The following GRID1 variants were observed in gnomAD, a reference collection of about 807,000 sequenced individuals.
GRID1 encodes the protein glutamate receptor ionotropic, delta-1.
In GRID1, 28 loss-of-function variants were observed where a neutral mutation model predicts 98.0. The ratio of observed to expected loss-of-function variants is 0.29; its 90% CI spans 0.21 to 0.39. GRID1 has a LOEUF of 0.39. GRID1 is among the 10% of genes least tolerant of loss of function. The pLI, the probability that GRID1 is intolerant of heterozygous loss-of-function variation, is 1.00. For missense variants in GRID1, 1,111 were observed against 1,340.5 expected (o/e 0.83, Z 2.67); for synonymous variants, 553 against 538.5 (o/e 1.03, Z -0.37).
intron 5 of GRID1, among the ~76,000 whole-genome samples, chr10:85,901,292 C>A (rs988478465): frequency 6.6e-5 from 10 of 151,700 alleles, no homozygotes; most frequent in African/African-American, 2.4e-4. Flanking sequence ...GTCGCCCAGG[C>A]TGGAGTGCAG....
chr10:86,275,021 G>A (rs899430172), intron 2 of GRID1, among the ~76,000 whole-genome samples: 2 of 152,222 alleles, frequency 1.3e-5, no homozygotes, highest in African/African-American at 4.8e-5. Context: ...TGCCAGCCTG[G>A]CTAAGTGTTG....
At chr10:86,042,977 C>T (rs908660055) in intron 4 of GRID1, among the ~76,000 whole-genome samples, 1 of 151,874 alleles carries the variant, frequency 6.6e-6, no homozygotes. Flanking sequence ...CCCAGCTACT[C>T]GGGAGGCTGA....
intron 8 of GRID1, among the ~76,000 whole-genome samples, chr10:85,762,082 G>A (rs756022514): frequency 5.3e-5 from 8 of 152,202 alleles, no homozygotes; most frequent in Non-Finnish European, 1.0e-4. Context: ...CACAGTCGCT[G>A]TATCCATCAT....
At chr10:86,215,508 C>T (rs1041485442) in intron 2 of GRID1, among the ~76,000 whole-genome samples, 2 of 152,322 alleles carry the variant, frequency 1.3e-5, no homozygotes, top group Admixed American at 6.5e-5. Flanking sequence ...GCCAATGAAA[C>T]GTTAGGCTCC....
At chr10:86,352,952 C>T (rs904845888) in intron 2 of GRID1, among the ~76,000 whole-genome samples, 1 of 152,234 alleles carries the variant, frequency 6.6e-6, no homozygotes, top group African/African-American at 2.4e-5. Flanking sequence ...CAGCCTCCTC[C>T]TGACCTTGGC....
intron 12 of GRID1, among the ~76,000 whole-genome samples, chr10:85,686,857 A>C (rs1841275111): frequency 6.6e-6 from 1 of 152,176 alleles, no homozygotes; most frequent in Non-Finnish European, 1.5e-5. Context: ...TATGATAAAA[A>C]ATACAGGTAT....
chr10:85,733,992 G>A (rs1841852608), intron 8 of GRID1, among the ~76,000 whole-genome samples: 2 of 152,164 alleles, frequency 1.3e-5, no homozygotes, highest in Admixed American at 1.3e-4. Context: ...TAGCATAGAT[G>A]ATTAAGCAAT....
At chr10:86,144,721 G>A (rs573359100) in intron 3 of GRID1, among the ~76,000 whole-genome samples, 4 of 151,948 alleles carry the variant, frequency 2.6e-5, no homozygotes, top group South Asian at 2.1e-4. Flanking sequence ...GCTCCCACCC[G>A]CTCCCCTTCT....
intron 8 of GRID1, among the ~76,000 whole-genome samples, chr10:85,765,215 A>G (rs1466539155): frequency 1.3e-5 from 2 of 152,216 alleles, no homozygotes; most frequent in African/African-American, 4.8e-5. Flanking sequence ...CAACTAGGAC[A>G]TGGTATTTGC....
At chr10:85,989,464 C>T (rs1315904528) in intron 4 of GRID1, among the ~76,000 whole-genome samples, 3 of 152,162 alleles carry the variant, frequency 2.0e-5, no homozygotes, top group Admixed American at 6.5e-5. Context: ...AGTTAGAAGC[C>T]GGGCCACACA....
At chr10:86,127,393 A>G (rs1180536160) in intron 4 of GRID1, among the ~76,000 whole-genome samples, 1 of 152,088 alleles carries the variant, frequency 6.6e-6, no homozygotes, top group African/African-American at 2.4e-5. Context: ...CCCTCCTTCT[A>G]TCAGCCCAGT....
At chr10:86,224,885 C>T (rs988084073) in intron 2 of GRID1, among the ~76,000 whole-genome samples, 1 of 152,190 alleles carries the variant, frequency 6.6e-6, no homozygotes, top group Non-Finnish European at 1.5e-5. Flanking sequence ...TCAGCTCAGC[C>T]GGGGCATTAT....
intron 8 of GRID1, among the ~76,000 whole-genome samples, chr10:85,769,518 G>A (rs995928408): frequency 4.6e-5 from 7 of 152,194 alleles, no homozygotes; most frequent in East Asian, 3.9e-4. Context: ...GAAGCAGGGC[G>A]AGGCATTGCC....
chr10:85,715,674 T>C (rs527761948), intron 12 of GRID1, among the ~76,000 whole-genome samples: 1 of 152,206 alleles, frequency 6.6e-6, no homozygotes, highest in South Asian at 2.1e-4. Flanking sequence ...ACCTTACACC[T>C]GTTAGAATGG....
At chr10:85,851,074 A>T (rs954430812) in intron 8 of GRID1, among the ~76,000 whole-genome samples, 1 of 152,248 alleles carries the variant, frequency 6.6e-6, no homozygotes, top group African/African-American at 2.4e-5. Flanking sequence ...TTACATGGAC[A>T]CGTTCATGGA....
Position 85,971,781 on chromosome 10 carries a change from C to T in GRID1, c.727-55542G>A, listed in dbSNP as rs565463776. Among the ~76,000 whole-genome samples, 6 of 152,182 alleles carry T rather than the reference C, an allele frequency of 3.9e-5. No homozygotes were observed. The South Asian group carries it at 1.0e-3, about 26-fold the overall frequency. ...TGCAATCATTTTGGGATAATGTTTG[C>T]CAGCATCTTCTAAGACTAAACATAC... is the stretch of plus-strand genomic sequence containing the variant. On this transcript the variant is annotated intron_variant, in intron 4 of 15. Transcript: ENST00000327946.
At chr10:86,148,585 C>T (rs1002103392) in intron 3 of GRID1, among the ~76,000 whole-genome samples, 5 of 151,980 alleles carry the variant, frequency 3.3e-5, no homozygotes, top group African/African-American at 7.2e-5. Flanking sequence ...ATTGCATATT[C>T]GAAAATTCAT....
intron 2 of GRID1, among the ~76,000 whole-genome samples, chr10:86,219,503 C>T (rs1001457441): frequency 3.3e-5 from 5 of 152,206 alleles, no homozygotes; most frequent in Non-Finnish European, 7.4e-5. Flanking sequence ...GCATGCCTTG[C>T]AGCCAAGCCC....
chr10:86,155,676 T>C (rs1384687688), intron 3 of GRID1, among the ~76,000 whole-genome samples: 1 of 152,188 alleles, frequency 6.6e-6, no homozygotes, highest in Non-Finnish European at 1.5e-5. Context: ...CATTCTCGTC[T>C]CCACTCCCCT....
Sources: allele counts gnomAD v4.1 joint callset (sites outside exome capture counted in the v4.1 genomes callset), GRCh38; gene constraint gnomAD v4.1.1; transcripts MANE v1.5; gene names NCBI Gene and HGNC (gene_info 2026-07-23, HGNC 2026-07-21).